Variants in MGAT5 observed in about 807,000 individuals in gnomAD.
MGAT5 encodes alpha-1,6-mannosylglycoprotein 6-beta-N-acetylglucosaminyltransferase A.
MGAT5 carries 30 observed loss-of-function variants against 94.3 expected under a neutral mutation model. The observed-to-expected ratio is 0.32, with a 90% CI of 0.24 to 0.43. MGAT5 has a LOEUF of 0.43. Among genes scored for constraint, MGAT5 ranks in the 20% least tolerant of loss-of-function variants. The pLI, the probability that MGAT5 is intolerant of heterozygous loss-of-function variation, is 1.00. For missense variants in MGAT5, 691 were observed against 905.5 expected (o/e 0.76, Z 3.04); for synonymous variants, 310 against 322.9 (o/e 0.96, Z 0.43).
intron 2 of MGAT5, among the ~76,000 whole-genome samples, chr2:134,292,628 C>A (rs1573722027): frequency 6.6e-6 from 1 of 152,260 alleles, no homozygotes; most frequent in East Asian, 1.9e-4. Context: ...TTTCTGCTAT[C>A]CCTCACCTTT....
At chr2:134,333,227 A>T (rs1688093792) in intron 4 of MGAT5, among the ~76,000 whole-genome samples, 1 of 152,098 alleles carries the variant, frequency 6.6e-6, no homozygotes. Context: ...AATGTGGCAC[A>T]TATACACCGT....
intron 11 of MGAT5, among the ~76,000 whole-genome samples, chr2:134,408,612 G>C (rs1385092379): frequency 1.3e-5 from 2 of 152,152 alleles, no homozygotes; most frequent in East Asian, 3.9e-4. Context: ...TCCCTAGAGA[G>C]TCTTCAGGTC....
chr2:134,224,702 A>G (rs1036845131), intron 1 of MGAT5, among the ~76,000 whole-genome samples: 4 of 152,180 alleles, frequency 2.6e-5, no homozygotes, highest in Admixed American at 6.5e-5. Context: ...GCCTGTACCA[A>G]TTCTTACCTC....
At chr2:134,405,025 T>A (rs777133774) in intron 11 of MGAT5, among the ~76,000 whole-genome samples, 5 of 152,244 alleles carry the variant, frequency 3.3e-5, no homozygotes, top group Non-Finnish European at 7.3e-5. Flanking sequence ...TTCAGCAGTG[T>A]GTCATTACTG....
At chr2:134,279,503 A>G (rs573468617) in intron 2 of MGAT5, among the ~76,000 whole-genome samples, 15 of 152,354 alleles carry the variant, frequency 9.8e-5, no homozygotes, top group African/African-American at 2.9e-4. Context: ...CTGTTGGACT[A>G]ATTACTGACC....
In MGAT5 at chr2:134,344,936, G is replaced by A; in HGVS notation, c.984G>A (p.Met328Ile). The A allele has an allele frequency of 1.2e-6, 2 of 1,613,030 alleles. No individual in the cohort carries two copies. The highest frequency in any genetic ancestry group is 2.2e-5 in the South Asian group (2 of 90,930). ...TCTTTTGCCGTTTCTCTAGAATCAT[G>A]AAGAAGGTTGTAGGAAACCGATCTG... ...SASLAELKEIMKKVVGNRSGC... is the reference protein window; with the variant it reads ...SASLAELKEIIKKVVGNRSGC... The change falls in exon 8 of 16, where the codon ATG (methionine) becomes ATA (isoleucine). Residue 328 changes from methionine to isoleucine, a missense_variant. This residue lies in a region of MGAT5 where 121 missense variants were observed against 206.1 expected (regional missense o/e 0.59). Coordinates refer to ENST00000281923, the MANE Select transcript of MGAT5 (RefSeq NM_002410.5).
intron 2 of MGAT5, among the ~76,000 whole-genome samples, chr2:134,310,365 C>T (rs1184503299): frequency 4.6e-5 from 7 of 152,072 alleles, no homozygotes; most frequent in African/African-American, 1.7e-4. Context: ...TTGTTTAATC[C>T]ATAAATGAGG....
intron 4 of MGAT5, among the ~76,000 whole-genome samples, chr2:134,329,323 G>C (rs911714695): frequency 6.6e-6 from 1 of 152,092 alleles, no homozygotes; most frequent in African/African-American, 2.4e-5. Flanking sequence ...CAGCATTTGA[G>C]TATGTGTAGA....
At chr2:134,324,236 T>C (rs138200355) in intron 4 of MGAT5, among the ~76,000 whole-genome samples, 15 of 152,268 alleles carry the variant, frequency 9.9e-5, no homozygotes, top group African/African-American at 3.6e-4. Flanking sequence ...AATAATCAAA[T>C]TGCCCAGTGA....
At chr2:134,284,088 A>C (rs970507673) in intron 2 of MGAT5, among the ~76,000 whole-genome samples, 1 of 152,190 alleles carries the variant, frequency 6.6e-6, no homozygotes, top group African/African-American at 2.4e-5. Context: ...CCAGAGATTC[A>C]TGAGCTTTTA....
intron 1 of MGAT5, among the ~76,000 whole-genome samples, chr2:134,168,340 C>T (rs528563429): frequency 6.6e-6 from 1 of 152,076 alleles, no homozygotes; most frequent in South Asian, 2.1e-4. Flanking sequence ...GTATTTGAGC[C>T]CAGGCAGTAT....
At chr2:134,199,047 G>T (rs1283844299) in intron 1 of MGAT5, among the ~76,000 whole-genome samples, 1 of 152,196 alleles carries the variant, frequency 6.6e-6, no homozygotes, top group Non-Finnish European at 1.5e-5. Flanking sequence ...AGGAAATGCT[G>T]CATTTCCATT....
chr2:134,124,002 G>A (rs529381891), intron 1 of MGAT5, among the ~76,000 whole-genome samples: 3 of 152,190 alleles, frequency 2.0e-5, no homozygotes, highest in Non-Finnish European at 4.4e-5. Flanking sequence ...TCTAATCTAA[G>A]CCATATCCCT....
intron 1 of MGAT5, among the ~76,000 whole-genome samples, chr2:134,158,722 C>A (rs1326602944): frequency 9.9e-5 from 15 of 152,232 alleles, no homozygotes; most frequent in Non-Finnish European, 2.2e-4. Flanking sequence ...ACCTGTGCCT[C>A]CCCTGCTACA....
At chr2:134,121,794 A>ACCC (rs1394660970) in intron 1 of MGAT5, among the ~76,000 whole-genome samples, 4 of 151,480 alleles carry the variant, frequency 2.6e-5, no homozygotes, top group Non-Finnish European at 4.4e-5. Context: ...CGTTGAACTG[A>ACCC]CCCCCACCCC....
chr2:134,391,521 G>A (rs1682408696), intron 10 of MGAT5, among the ~76,000 whole-genome samples: 1 of 152,174 alleles, frequency 6.6e-6, no homozygotes. Flanking sequence ...CTGGGTTACA[G>A]ACAGCCAATG....
chr2:134,424,138 A>G (rs1461932310), intron 13 of MGAT5, among the ~76,000 whole-genome samples: 2 of 152,218 alleles, frequency 1.3e-5, no homozygotes, highest in African/African-American at 2.4e-5. Flanking sequence ...AGTAAAACTC[A>G]GAAGTGGGTG....
chr2:134,405,322 C>G (rs1683271191), intron 11 of MGAT5, among the ~76,000 whole-genome samples: 1 of 152,148 alleles, frequency 6.6e-6, no homozygotes, highest in African/African-American at 2.4e-5. Context: ...GTCACTGATC[C>G]CATTACCTAT....
At chr2:134,400,791 T>C (rs906882426) in intron 10 of MGAT5, among the ~76,000 whole-genome samples, 4 of 152,210 alleles carry the variant, frequency 2.6e-5, no homozygotes, top group African/African-American at 9.6e-5. Flanking sequence ...GAGAGATGCC[T>C]GTCCCCACCT....
Sources: gnomAD v4.1 joint callset for allele counts (sites outside exome capture counted in the v4.1 genomes callset) on GRCh38, gnomAD v4.1.1 for gene constraint, gnomAD v4.1.1 regional missense constraint, MANE v1.5 for transcripts, NCBI Gene and HGNC (gene_info 2026-07-23, HGNC 2026-07-21) for gene names.